Variants in RASA1 observed in about 807,000 individuals in gnomAD.
RASA1 encodes RAS p21 protein activator 1, also known as ras GTPase-activating protein 1.
In RASA1, 25 loss-of-function variants were observed where a neutral mutation model predicts 132.2. The observed-to-expected ratio is 0.19, with a 90% CI of 0.14 to 0.26. The LOEUF is 0.26. Among genes scored for constraint, RASA1 ranks in the 10% least tolerant of loss-of-function variants. The probability of loss-of-function intolerance (pLI) is 1.00; values close to 1 mark genes in which losing one functional copy is unlikely to be tolerated. For synonymous variants in RASA1, 477 were observed against 449.9 expected (o/e 1.06, Z -0.76); for missense variants, 964 against 1,299.2 (o/e 0.74, Z 3.97).
chr5:87,294,576 T>C (rs900097555), intron 1 of RASA1: 1 of 152,244 alleles, frequency 6.6e-6, no homozygotes, highest in Non-Finnish European at 1.5e-5. Flanking sequence ...TGTTAAATTG[T>C]ATTTTCATTT....
At chr5:87,314,353 C>T (rs1312011147) in intron 1 of RASA1, among the ~76,000 whole-genome samples, 1 of 151,990 alleles carries the variant, frequency 6.6e-6, no homozygotes, top group Non-Finnish European at 1.5e-5. Flanking sequence ...GTGTTTTGGG[C>T]ATAGTTGTTT....
At chr5:87,322,095 A>G (rs1174992077) in intron 1 of RASA1, among the ~76,000 whole-genome samples, 1 of 152,046 alleles carries the variant, frequency 6.6e-6, no homozygotes, top group East Asian at 1.9e-4. Flanking sequence ...ATAAAGGTGG[A>G]TCCCTCATGA....
chr5:87,374,461 T>TA (rs200905236), intron 14 of RASA1, 141 bp downstream of exon 14: 1,549 of 151,776 alleles, frequency 0.01, 12 homozygotes, highest in East Asian at 0.061. Context: ...ATATATATAT[T>TA]TTTTTTTTTT....
chr5:87,351,208 A>G (rs1182270416), intron 8 of RASA1, among the ~76,000 whole-genome samples: 1 of 151,738 alleles, frequency 6.6e-6, no homozygotes, highest in African/African-American at 2.4e-5. Flanking sequence ...GAGGCATTTA[A>G]TAGCAAATTT....
intron 1 of RASA1, among the ~76,000 whole-genome samples, chr5:87,277,185 A>G (rs182273374): frequency 1.8e-3 from 278 of 152,270 alleles, no homozygotes; most frequent in Non-Finnish European, 2.3e-3. Context: ...TAATGTAAAT[A>G]CTATGCTTTT....
At chr5:87,338,805 A>G (rs1280630281) in intron 5 of RASA1, among the ~76,000 whole-genome samples, 1 of 151,790 alleles carries the variant, frequency 6.6e-6, no homozygotes, top group African/African-American at 2.4e-5. Flanking sequence ...AAATATATAT[A>G]TAATTTTCCA....
intron 1 of RASA1, among the ~76,000 whole-genome samples, chr5:87,325,199 G>A (rs998928207): frequency 3.9e-5 from 6 of 152,134 alleles, no homozygotes; most frequent in African/African-American, 1.4e-4. Context: ...AAAACCATTA[G>A]ATCTCGTGAG....
intron 1 of RASA1, among the ~76,000 whole-genome samples, chr5:87,328,006 G>A (rs1442680581): frequency 6.6e-6 from 1 of 151,326 alleles, no homozygotes; most frequent in Non-Finnish European, 1.5e-5. Flanking sequence ...CTATGTGGAC[G>A]TTAAAAAAGA....
chr5:87,373,460 C>A (rs1761097427), intron 13 of RASA1, among the ~76,000 whole-genome samples: 1 of 152,020 alleles, frequency 6.6e-6, no homozygotes, highest in African/African-American at 2.4e-5. Flanking sequence ...TGGAATCAGT[C>A]CCCCACAGAT....
chr5:87,287,354 TACACCATATATATACCATATATACAC>T lies in RASA1; in HGVS notation c.539+18393_539+18418del, dbSNP rs1754661144. Among the ~76,000 whole-genome samples the T allele has an allele frequency of 1.5e-4, 22 of 144,998 alleles. 1 individual carries two copies. In the South Asian group the frequency reaches 3.5e-3, roughly 23 times the overall value. ...ATACACACCATATATATACCATATA[TACACCATATATATACCATATATACAC>T]ACACCATATATATACCATATATACA... On this transcript the variant is annotated intron_variant, in intron 1 of 24. Coordinates refer to ENST00000274376, the MANE Select transcript of RASA1 (RefSeq NM_002890.3).
intron 7 of RASA1, 82 bp from the exon 8 acceptor site, chr5:87,349,132 A>C: frequency 6.7e-7 from 1 of 1,486,056 alleles, no homozygotes; most frequent in Non-Finnish European, 9.3e-7. Flanking sequence ...ATGACTTTGA[A>C]TGCACTTTGT....
intron 8 of RASA1, 101 bp downstream of exon 8, chr5:87,349,465 T>C (rs1290017997): frequency 7.3e-7 from 1 of 1,365,102 alleles, no homozygotes; most frequent in African/African-American, 1.5e-5. Context: ...GTTTCTAACT[T>C]CTAAAAATTA....
At chr5:87,342,745 T>C (rs1043141360) in intron 6 of RASA1, among the ~76,000 whole-genome samples, 1 of 152,150 alleles carries the variant, frequency 6.6e-6, no homozygotes, top group Non-Finnish European at 1.5e-5. Context: ...GGTAATCACT[T>C]TGTCTAGTTG....
chr5:87,389,621 T>G, intron 24 of RASA1, 94 bp downstream of exon 24: 1 of 1,511,210 alleles, frequency 6.6e-7, no homozygotes, highest in Non-Finnish European at 9.1e-7. Flanking sequence ...ATTTTTATCT[T>G]GTTACATTAA....
In RASA1 at chr5:87,391,145, T is replaced by C. The variant is rs1762485345; in HGVS notation, c.*262T>C. ...TCTGAGCCTTGGTGTACAGACCACC[T>C]TTCACAAAACGAAATGCTATGACTG... is the stretch of plus-strand genomic sequence containing the variant. On this transcript the variant is annotated 3_prime_UTR_variant, in exon 25 of 25. Coordinates refer to ENST00000274376, the MANE Select transcript of RASA1 (RefSeq NM_002890.3). 1.2e-5 allele frequency: 7 copies of C among 572,862 alleles called. No individual in the cohort carries two copies. The highest frequency in any genetic ancestry group is 2.1e-5 in the South Asian group (1 of 47,446). 35.5% of individuals were successfully genotyped at this position (572,862 alleles called of 1,614,324 possible). A position where few individuals can be genotyped will look rare whatever the true frequency, so the allele number is the denominator to read the frequency against.
chr5:87,337,587 A>G (rs190694851), intron 4 of RASA1, among the ~76,000 whole-genome samples: 211 of 152,198 alleles, frequency 1.4e-3, no homozygotes, highest in Non-Finnish European at 2.8e-3. Flanking sequence ...TCTACCCTAC[A>G]TCTGAAAGAG....
At chr5:87,383,948 G>A (rs1051850099) in intron 21 of RASA1, among the ~76,000 whole-genome samples, 168 bp downstream of exon 21, 1 of 151,306 alleles carries the variant, frequency 6.6e-6, no homozygotes, top group Admixed American at 6.6e-5. Flanking sequence ...GTGCTTCTTG[G>A]GCTTTTTTCT....
chr5:87,324,270 A>G (rs914495075), intron 1 of RASA1, among the ~76,000 whole-genome samples: 1 of 152,182 alleles, frequency 6.6e-6, no homozygotes, highest in African/African-American at 2.4e-5. Context: ...GCTAGTAGGT[A>G]TTGTGCTAGC....
At chr5:87,337,657 T>G (rs1489417291) in intron 4 of RASA1, among the ~76,000 whole-genome samples, 1 of 152,126 alleles carries the variant, frequency 6.6e-6, no homozygotes, top group Non-Finnish European at 1.5e-5. Context: ...CCCCAAAACC[T>G]TCAATATATG....
Sources: gnomAD v4.1 joint callset for allele counts (sites outside exome capture counted in the v4.1 genomes callset) on GRCh38, gnomAD v4.1.1 for gene constraint, MANE v1.5 for transcripts, NCBI Gene and HGNC (gene_info 2026-07-23, HGNC 2026-07-21) for gene names.